CCDC69: variants seen among roughly 807,000 people sequenced by gnomAD.
CCDC69 encodes coiled-coil domain-containing protein 69.
In CCDC69, 38 loss-of-function variants were observed where a neutral mutation model predicts 40.3. That is an observed-to-expected ratio of 0.94 (90% CI 0.73 to 1.24). The LOEUF (loss-of-function observed/expected upper bound fraction) is 1.24, where lower values mean the gene tolerates loss of function less well. CCDC69 is among the 50% of genes most tolerant of loss of function. The probability of loss-of-function intolerance (pLI) is 0.00; values close to 1 mark genes in which losing one functional copy is unlikely to be tolerated. For synonymous variants in CCDC69, 141 were observed against 138.9 expected, an observed-to-expected ratio of 1.02 and a Z score of -0.11; for missense variants, 389 against 357.9, an observed-to-expected ratio of 1.09 and a Z score of -0.70.
intron 4 of CCDC69, among the ~76,000 whole-genome samples, chr5:151,198,008 T>C (rs992213269): frequency 1.3e-5 from 2 of 152,166 alleles, no homozygotes; most frequent in Non-Finnish European, 2.9e-5. Flanking sequence ...TCTATGTATA[T>C]TACAGAAAAA....
At position 151,216,407 on chromosome 5, in the gene CCDC69, T is replaced by TG. The variant is rs1491587557; in HGVS notation, c.48+7515_48+7516insC. On this transcript the variant is annotated intron_variant, in intron 1 of 8. Coordinates refer to ENST00000355417, the MANE Select transcript of CCDC69 (RefSeq NM_015621.3). ...TTACATTTTACCTAAATTATTAGGA[T>TG]TTTTTTTTTTTTTTTTTTTTTTTGA... Among the ~76,000 whole-genome samples the TG allele has an allele frequency of 2.8e-3, 262 of 94,626 alleles. 3 individuals carry two copies. Among genetic ancestry groups the TG allele is most frequent in the African/African-American group, 0.011 (242 of 21,242 alleles). 62.1% of individuals were successfully genotyped at this position (94,626 alleles called of 152,430 possible). A position where few individuals can be genotyped will look rare whatever the true frequency, so the allele number is the denominator to read the frequency against.
intron 4 of CCDC69, among the ~76,000 whole-genome samples, chr5:151,198,216 C>T (rs1163196661): frequency 6.6e-6 from 1 of 152,078 alleles, no homozygotes; most frequent in East Asian, 1.9e-4. Context: ...AAAGTAACTT[C>T]TTCAAGGTTA....
chr5:151,217,463 A>G (rs1248193710), intron 1 of CCDC69, among the ~76,000 whole-genome samples: 1 of 152,198 alleles, frequency 6.6e-6, no homozygotes, highest in Non-Finnish European at 1.5e-5. Context: ...AAAGTTTCCT[A>G]AAGCTGCTGT....
rs1443104905 is a variant in CCDC69 at position 151,207,452 on chromosome 5, C to T, written c.49-1977G>A. Among the ~76,000 whole-genome samples the T allele has an allele frequency of 6.3e-4, 96 of 151,674 alleles. 7 individuals are homozygous for T. The highest frequency in any genetic ancestry group is 2.4e-4 in the Non-Finnish European group (16 of 67,942). On this transcript the variant is annotated intron_variant, in intron 1 of 8. Transcript: ENST00000355417. The stretch of plus-strand genomic sequence containing the variant: ...GACTACAGGCGCCCGCCACCACGCC[C>T]GGCTAATTTTTTGTATTTTTAGTAG...
intron 2 of CCDC69, among the ~76,000 whole-genome samples, chr5:151,202,188 T>G (rs1274472524): frequency 1.4e-5 from 1 of 70,510 alleles, no homozygotes; most frequent in East Asian, 3.0e-4. Context: ...AGACCCTATC[T>G]CTAAAAAAAA....
intron 4 of CCDC69, among the ~76,000 whole-genome samples, chr5:151,193,035 T>C (rs1054859375): frequency 1.3e-5 from 2 of 152,222 alleles, no homozygotes; most frequent in South Asian, 2.1e-4. Flanking sequence ...AATCTAGAGA[T>C]GATTTAAAAT....
chr5:151,216,406 A>ATTT (rs1262419326), intron 1 of CCDC69, among the ~76,000 whole-genome samples: 143 of 116,292 alleles, frequency 1.2e-3, no homozygotes, highest in Middle Eastern at 5.3e-3. Flanking sequence ...AATTATTAGG[A>ATTT]TTTTTTTTTT....
chr5:151,197,013 G>A (rs1230021194), intron 4 of CCDC69, among the ~76,000 whole-genome samples: 2 of 152,164 alleles, frequency 1.3e-5, no homozygotes, highest in African/African-American at 4.8e-5. Flanking sequence ...CTGTGCAATG[G>A]CAAATTACCC....
At chr5:151,193,215 C>T (rs774036966) in intron 4 of CCDC69, among the ~76,000 whole-genome samples, 1 of 151,868 alleles carries the variant, frequency 6.6e-6, no homozygotes, top group Non-Finnish European at 1.5e-5. Context: ...CTATATTAAC[C>T]ATCTAAAGAA....
intron 4 of CCDC69, among the ~76,000 whole-genome samples, chr5:151,190,481 C>G (rs1752593696): frequency 6.6e-6 from 1 of 152,024 alleles, no homozygotes; most frequent in African/African-American, 2.4e-5. Flanking sequence ...GACTGGCCAA[C>G]ATGGTGAAAC....
In CCDC69 at chr5:151,183,499, C is replaced by T. The variant is rs1351747769; in HGVS notation, c.829G>A (p.Ala277Thr). ...ELLYRVLGANASPAFPLAPVT... is the reference protein window; with the variant it reads ...ELLYRVLGANTSPAFPLAPVT... ...GGGGCCAGAGGGAAGGCAGGCGAGG[C>T]ATTGGCCCCAAGGACCCGGTACAAC... The change falls in exon 9 of 9, where the codon GCC becomes ACC. Residue 277 changes from alanine to threonine, a missense_variant. Ala to Thr is a moderately conservative substitution (Grantham distance 58, BLOSUM62 0). Transcript: ENST00000355417. 2 of 1,607,682 alleles carry T rather than the reference C, an allele frequency of 1.2e-6. No individual in the cohort carries two copies. The highest frequency in any genetic ancestry group is 2.7e-5 in the African/African-American group (2 of 74,922).
At chr5:151,194,612 C>T (rs1017424386) in intron 4 of CCDC69, among the ~76,000 whole-genome samples, 3 of 152,114 alleles carry the variant, frequency 2.0e-5, no homozygotes, top group Admixed American at 2.0e-4. Context: ...TCTATACATG[C>T]GGCAGGGCGC....
chr5:151,223,996 G>A lies in CCDC69; in HGVS notation c.-26C>T. The A allele has an allele frequency of 1.9e-6, 3 of 1,545,254 alleles. No individual in the cohort carries two copies. Among genetic ancestry groups the A allele is most frequent in the East Asian group, 2.7e-5 (1 of 37,730 alleles). On this transcript the variant is annotated 5_prime_UTR_variant, in exon 1 of 9. Coordinates refer to ENST00000355417, the MANE Select transcript of CCDC69 (RefSeq NM_015621.3). ...CCTCCTCCGGGGGCTCCCGGACGCCGCTTCCCAACTCCGGGGCCCCCAGAG... is the reference window on the plus strand; with the variant it reads ...CCTCCTCCGGGGGCTCCCGGACGCCACTTCCCAACTCCGGGGCCCCCAGAG...
chr5:151,220,797 C>A (rs376858836), intron 1 of CCDC69, among the ~76,000 whole-genome samples: 1 of 152,120 alleles, frequency 6.6e-6, no homozygotes, highest in Non-Finnish European at 1.5e-5. Context: ...TCCCCACCCC[C>A]CCTCCGCTTC....
At chr5:151,207,701 G>A (rs955379465) in intron 1 of CCDC69, among the ~76,000 whole-genome samples, 4 of 152,294 alleles carry the variant, frequency 2.6e-5, no homozygotes, top group East Asian at 3.9e-4. Flanking sequence ...GAGAACTGAC[G>A]TGCTTACTGA....
At chr5:151,204,406 A>G (rs1453103279) in intron 2 of CCDC69, among the ~76,000 whole-genome samples, 1 of 152,218 alleles carries the variant, frequency 6.6e-6, no homozygotes, top group Non-Finnish European at 1.5e-5. Context: ...AACTTCACCC[A>G]CAATATTCCC....
At chr5:151,211,493 T>C (rs937070065) in intron 1 of CCDC69, among the ~76,000 whole-genome samples, 2 of 151,546 alleles carry the variant, frequency 1.3e-5, no homozygotes, top group African/African-American at 4.9e-5. Flanking sequence ...AGACCTACAG[T>C]ATGTGTGCTG....
intron 1 of CCDC69, 79 bp downstream of exon 1, chr5:151,223,844 G>A (rs1753173210): frequency 2.8e-6 from 4 of 1,415,756 alleles, no homozygotes; most frequent in Non-Finnish European, 3.9e-6. Context: ...GAGAGCCCGG[G>A]GCGCCGAGTC....
At chr5:151,223,896 G>T in intron 1 of CCDC69, 27 bp downstream of exon 1, 1 of 1,589,952 alleles carries the variant, frequency 6.3e-7, no homozygotes, top group Non-Finnish European at 8.6e-7. Flanking sequence ...TCCTCTGAAA[G>T]CAAACTTCTC....
Sources: gnomAD v4.1 joint callset for allele counts (sites outside exome capture counted in the v4.1 genomes callset) on GRCh38, gnomAD v4.1.1 for gene constraint, MANE v1.5 for transcripts, NCBI Gene and HGNC (gene_info 2026-07-23, HGNC 2026-07-21) for gene names.